Variants in RIMS2 observed in about 807,000 individuals in gnomAD.
The protein encoded by RIMS2 is regulating synaptic membrane exocytosis protein 2.
A neutral mutation model predicts 174.4 loss-of-function variants in RIMS2; 59 were observed. That is an observed-to-expected ratio of 0.34 (90% CI 0.27 to 0.42). The LOEUF (loss-of-function observed/expected upper bound fraction) is 0.42, where lower values mean the gene tolerates loss of function less well. RIMS2 is among the 10% of genes least tolerant of loss of function. The probability of loss-of-function intolerance (pLI) is 1.00; values close to 1 mark genes in which losing one functional copy is unlikely to be tolerated. For missense variants in RIMS2, 1,620 were observed against 1,666.3 expected (o/e 0.97, Z 0.48); for synonymous variants, 606 against 572.5 (o/e 1.06, Z -0.84).
chr8:103,579,639 A>C (rs187168942), intron 1 of RIMS2, among the ~76,000 whole-genome samples: 1 of 152,190 alleles, frequency 6.6e-6, no homozygotes, highest in African/African-American at 2.4e-5. Context: ...ATTTAAAATA[A>C]CTTCTTAACC....
rs149465329 is a variant in RIMS2 at position 103,871,031 on chromosome 8, A to T, written c.699-14267A>T. Among the ~76,000 whole-genome samples, 497 of 152,304 alleles carry T rather than the reference A, an allele frequency of 3.3e-3. 2 individuals are homozygous for T. Among genetic ancestry groups the T allele is most frequent in the East Asian group, 0.017 (86 of 5,190 alleles). On this transcript the variant is annotated intron_variant, in intron 3 of 23. Transcript: ENST00000504942. ...GATTTTGATCCCAATTTCAATTTCT[A>T]CTTAACTATTTTCTGCATCTTATTT...
At chr8:103,747,360 A>C (rs1309872297) in intron 2 of RIMS2, among the ~76,000 whole-genome samples, 1 of 150,928 alleles carries the variant, frequency 6.6e-6, no homozygotes, top group Non-Finnish European at 1.5e-5. Flanking sequence ...GACTGTAAAG[A>C]ACTTTTTGGG....
intron 3 of RIMS2, among the ~76,000 whole-genome samples, chr8:103,773,988 A>C (rs926304595): frequency 4.6e-5 from 7 of 152,092 alleles, no homozygotes; most frequent in Admixed American, 1.3e-4. Flanking sequence ...CTAAAAATAC[A>C]AAAATTAGCT....
chr8:103,928,843 C>T (rs2079299471), intron 11 of RIMS2, among the ~76,000 whole-genome samples: 1 of 151,160 alleles, frequency 6.6e-6, no homozygotes, highest in South Asian at 2.1e-4. Flanking sequence ...TATGTCAGGA[C>T]CAGAATTGTG....
chr8:103,957,093 G>A (rs1052719792), intron 14 of RIMS2, among the ~76,000 whole-genome samples: 1 of 152,046 alleles, frequency 6.6e-6, no homozygotes, highest in African/African-American at 2.4e-5. Flanking sequence ...TAAAAAGTAA[G>A]GAAATAACAG....
chr8:104,114,004 TC>T (rs1160820569), intron 19 of RIMS2, among the ~76,000 whole-genome samples: 6 of 152,034 alleles, frequency 3.9e-5, no homozygotes, highest in Non-Finnish European at 2.9e-5. Flanking sequence ...GTAGATATTT[TC>T]TTTTAATGTG....
At chr8:104,239,175 G>A (rs2099274079) in intron 19 of RIMS2, among the ~76,000 whole-genome samples, 1 of 152,202 alleles carries the variant, frequency 6.6e-6, no homozygotes, top group African/African-American at 2.4e-5. Flanking sequence ...TAGCAGAAAG[G>A]ATCTTTTGGT....
chr8:103,889,526 T>G (rs747979292), intron 4 of RIMS2, among the ~76,000 whole-genome samples: 16 of 151,828 alleles, frequency 1.1e-4, no homozygotes, highest in Non-Finnish European at 2.1e-4. Context: ...AGAATAATTT[T>G]TTTTCGAGGT....
intron 19 of RIMS2, among the ~76,000 whole-genome samples, chr8:104,117,471 C>T (rs1159719901): frequency 1.3e-5 from 2 of 151,910 alleles, no homozygotes; most frequent in Non-Finnish European, 2.9e-5. Context: ...TCACTGCAGC[C>T]TCAAACTCCT....
At chr8:103,977,235 T>C (rs945301070) in intron 16 of RIMS2, 1 of 152,196 alleles carries the variant, frequency 6.6e-6, no homozygotes, top group African/African-American at 2.4e-5. Context: ...ATATCTGACA[T>C]ATTAAGTTGA....
chr8:104,048,117 T>C (rs1597720681), intron 19 of RIMS2, among the ~76,000 whole-genome samples: 1 of 152,258 alleles, frequency 6.6e-6, no homozygotes, highest in East Asian at 1.9e-4. Flanking sequence ...ATGTGGCAGG[T>C]ATAAACTTCA....
intron 14 of RIMS2, among the ~76,000 whole-genome samples, chr8:103,950,286 A>T (rs1401925947): frequency 6.6e-6 from 1 of 152,122 alleles, no homozygotes; most frequent in South Asian, 2.1e-4. Context: ...AACAAACATT[A>T]CTCTAATACC....
intron 4 of RIMS2, among the ~76,000 whole-genome samples, chr8:103,904,774 GT>G (rs1161687073): frequency 6.6e-6 from 1 of 151,516 alleles, no homozygotes; most frequent in Non-Finnish European, 1.5e-5. Flanking sequence ...TTTCTTTTTT[GT>G]TTTCTGTTTG....
intron 15 of RIMS2, among the ~76,000 whole-genome samples, chr8:103,961,725 T>G (rs756027167): frequency 9.9e-5 from 15 of 152,162 alleles, no homozygotes; most frequent in Non-Finnish European, 1.9e-4. Flanking sequence ...AAATAAAGTA[T>G]TCTATTCCTT....
chr8:104,057,801 G>A (rs1049892805), intron 19 of RIMS2, among the ~76,000 whole-genome samples: 1 of 140,630 alleles, frequency 7.1e-6, no homozygotes, highest in Non-Finnish European at 1.5e-5. Context: ...TCCCACCTAT[G>A]AGTGAGAACA....
At position 103,915,368 on chromosome 8, in the gene RIMS2, A is replaced by G. The variant is rs752206968; in HGVS notation, c.1813-127A>G. Reference sequence around the variant, plus strand: ...ATAGAGACAATAAATTATTTAAGAAATCATTTTCTGTACATTAAATTAGCG... The same window carrying G: ...ATAGAGACAATAAATTATTTAAGAAGTCATTTTCTGTACATTAAATTAGCG... On this transcript the variant is annotated intron_variant, in intron 6 of 23. Coordinates refer to ENST00000504942, the Ensembl canonical transcript of RIMS2. 149 of 491,512 alleles carry G rather than the reference A, an allele frequency of 3.0e-4. 2 individuals are homozygous for G. The highest frequency in any genetic ancestry group is 4.8e-4 in the Non-Finnish European group (132 of 273,018). 30.4% of individuals were successfully genotyped at this position (491,512 alleles called of 1,614,324 possible).
chr8:103,894,959 A>C (rs1006831154), intron 4 of RIMS2, among the ~76,000 whole-genome samples: 1 of 151,658 alleles, frequency 6.6e-6, no homozygotes, highest in African/African-American at 2.4e-5. Flanking sequence ...ATGAGAAAAT[A>C]ATCATTAATA....
chr8:104,214,085 T>C (rs2099118577), intron 19 of RIMS2, among the ~76,000 whole-genome samples: 1 of 152,114 alleles, frequency 6.6e-6, no homozygotes, highest in Non-Finnish European at 1.5e-5. Flanking sequence ...ATTAGAAAGT[T>C]GAGGTGCAGA....
intron 19 of RIMS2, among the ~76,000 whole-genome samples, chr8:104,057,462 G>T (rs572932727): frequency 6.6e-6 from 1 of 152,034 alleles, no homozygotes; most frequent in Admixed American, 6.5e-5. Flanking sequence ...TGAATTTAGA[G>T]ATCAAAAACA....
Sources: gnomAD v4.1 joint callset for allele counts (sites outside exome capture counted in the v4.1 genomes callset) on GRCh38, gnomAD v4.1.1 for gene constraint, MANE v1.5 for transcripts, NCBI Gene and HGNC (gene_info 2026-07-23, HGNC 2026-07-21) for gene names.